The following TANK variants were observed in gnomAD, a reference collection of about 807,000 sequenced individuals.
TANK encodes TRAF family member-associated NF-kappa-B activator.
A neutral mutation model predicts 43.6 loss-of-function variants in TANK; 15 were observed. The observed-to-expected ratio is 0.34, with a 90% CI of 0.23 to 0.53. TANK has a LOEUF of 0.53. TANK is among the 20% of genes least tolerant of loss of function. The pLI is 0.94. For missense variants in TANK, 417 were observed against 498.6 expected, an observed-to-expected ratio of 0.84 and a Z score of 1.56; for synonymous variants, 162 against 178.2, an observed-to-expected ratio of 0.91 and a Z score of 0.73.
chr2:161,153,527 A>G (rs771097698), intron 1 of TANK, among the ~76,000 whole-genome samples: 4 of 151,806 alleles, frequency 2.6e-5, no homozygotes, highest in Non-Finnish European at 5.9e-5. Context: ...GTCTCTACAA[A>G]AAATACAAAA....
chr2:161,143,694 A>G (rs1413800384), intron 1 of TANK, among the ~76,000 whole-genome samples: 3 of 151,410 alleles, frequency 2.0e-5, no homozygotes, highest in Admixed American at 6.6e-5. Context: ...AAGCTTTTTG[A>G]TGTGCTTTTG....
chr2:161,222,746 A>G (rs1311123744), intron 4 of TANK: 4 of 152,126 alleles, frequency 2.6e-5, no homozygotes, highest in Non-Finnish European at 5.9e-5. Flanking sequence ...TCTTTATTTT[A>G]CTTCAGTCTG....
At chr2:161,149,859 A>G (rs1333788426) in intron 1 of TANK, among the ~76,000 whole-genome samples, 1 of 151,910 alleles carries the variant, frequency 6.6e-6, no homozygotes, top group Non-Finnish European at 1.5e-5. Context: ...TGTATAATAC[A>G]CTTAATAGGC....
intron 2 of TANK, among the ~76,000 whole-genome samples, chr2:161,193,111 C>G (rs764373241): frequency 2.0e-5 from 3 of 152,140 alleles, no homozygotes; most frequent in African/African-American, 4.8e-5. Context: ...CCAGGGACAT[C>G]ATATATGCTA....
intron 6 of TANK, 135 bp downstream of exon 6, chr2:161,224,881 A>G (rs1687533296): frequency 1.8e-6 from 1 of 540,634 alleles, no homozygotes; most frequent in East Asian, 3.1e-5. Context: ...GTATGTTTGA[A>G]TGTGTACATG....
chr2:161,214,047 T>C (rs1255263677), intron 4 of TANK, among the ~76,000 whole-genome samples: 1 of 152,186 alleles, frequency 6.6e-6, no homozygotes, highest in African/African-American at 2.4e-5. Context: ...TAAATCACAT[T>C]TAACATCATC....
intron 1 of TANK, among the ~76,000 whole-genome samples, chr2:161,166,111 C>T (rs1248897769): frequency 6.6e-6 from 1 of 152,218 alleles, no homozygotes; most frequent in Non-Finnish European, 1.5e-5. Flanking sequence ...AAATGGAGAA[C>T]ATGTACTGGG....
rs556208875 is a variant in TANK at position 161,206,031 on chromosome 2, G to A, written c.327+1238G>A. 3.3e-5 allele frequency among the ~76,000 whole-genome samples: 5 copies of A among 152,038 alleles called. No homozygotes were observed. In the South Asian group the frequency reaches 1.0e-3, roughly 32 times the overall value. On this transcript the variant is annotated intron_variant, in intron 4 of 7. Coordinates refer to ENST00000392749, the MANE Select transcript of TANK (RefSeq NM_001199135.3). ...AAAGTATAAAAACCTGTACAGGAAG[G>A]GCACACATCTTCTTTAGAAAAACGA...
chr2:161,195,854 G>T (rs565001083), intron 2 of TANK, among the ~76,000 whole-genome samples: 1 of 152,134 alleles, frequency 6.6e-6, no homozygotes, highest in African/African-American at 2.4e-5. Context: ...GGAGGCCCAG[G>T]CAGGCAGATC....
In TANK at chr2:161,228,401, C is replaced by T. The variant is rs144633941; in HGVS notation, c.521-2570C>T. Among the ~76,000 whole-genome samples, 542 of 152,262 alleles carry T rather than the reference C, an allele frequency of 3.6e-3. 2 individuals are homozygous for T. Among genetic ancestry groups the T allele is most frequent in the East Asian group, 0.02 (102 of 5,164 alleles). ...ACAAAATTAGCCGGGCGTGGTGACG[C>T]ATGCCCGTAATCCCAGCTACTCGGG... On this transcript the variant is annotated intron_variant, in intron 6 of 7. Transcript: ENST00000392749.
intron 1 of TANK, chr2:161,161,655 T>A: frequency 1.8e-6 from 1 of 567,148 alleles, no homozygotes; most frequent in South Asian, 2.5e-5. Context: ...TAAATATATA[T>A]ATATGGTGAA....
chr2:161,213,354 A>G (rs1273889899), intron 4 of TANK, among the ~76,000 whole-genome samples: 1 of 152,134 alleles, frequency 6.6e-6, no homozygotes, highest in Non-Finnish European at 1.5e-5. Context: ...TGTAATCTCA[A>G]CATTTTGGGA....
chr2:161,234,527 A>T lies in TANK; in HGVS notation c.1102-815A>T, dbSNP rs182528893. ...CTATTTCTTGTCCTTCTAGAAATTT[A>T]AAAAAAAGAATAAATGCAGTTATGA... is the stretch of plus-strand genomic sequence containing the variant. On this transcript the variant is annotated intron_variant, in intron 7 of 7. Transcript: ENST00000392749. Among the ~76,000 whole-genome samples, 623 of 152,176 alleles carry T rather than the reference A, an allele frequency of 4.1e-3. 4 individuals carry two copies. Among genetic ancestry groups the T allele is most frequent in the Non-Finnish European group, 6.6e-3 (449 of 67,964 alleles).
intron 2 of TANK, 39 bp downstream of exon 2, chr2:161,179,800 G>A (rs1479119118): frequency 1.3e-6 from 2 of 1,576,698 alleles, no homozygotes; most frequent in African/African-American, 1.4e-5. Context: ...CTTTATCTTG[G>A]TACATGGAAT....
At chr2:161,185,243 T>TTCAAGAA (rs1685604107) in intron 2 of TANK, among the ~76,000 whole-genome samples, 1 of 152,178 alleles carries the variant, frequency 6.6e-6, no homozygotes, top group Non-Finnish European at 1.5e-5. Flanking sequence ...AAGGAAGCAC[T>TTCAAGAA]GGTTAGCAGT....
At chr2:161,142,848 T>C (rs1683791536) in intron 1 of TANK, among the ~76,000 whole-genome samples, 1 of 152,070 alleles carries the variant, frequency 6.6e-6, no homozygotes. Context: ...GTTTTTTTTC[T>C]AATTCTGTGA....
intron 2 of TANK, among the ~76,000 whole-genome samples, chr2:161,182,686 G>C (rs1468656929): frequency 6.6e-6 from 1 of 151,984 alleles, no homozygotes; most frequent in Non-Finnish European, 1.5e-5. Flanking sequence ...TGTCCTTTGG[G>C]GCTTCTATGG....
chr2:161,138,624 C>T (rs749218329), intron 1 of TANK, among the ~76,000 whole-genome samples: 30 of 152,128 alleles, frequency 2.0e-4, no homozygotes, highest in Admixed American at 5.2e-4. Flanking sequence ...GCTTCAGAGC[C>T]GGAAGAAGAT....
chr2:161,170,066 CTT>C (rs1002690349), intron 1 of TANK, among the ~76,000 whole-genome samples: 3 of 152,126 alleles, frequency 2.0e-5, no homozygotes, highest in African/African-American at 7.2e-5. Context: ...ATCCATGACT[CTT>C]TGTGCCTCTT....
Sources: gnomAD v4.1 joint callset for allele counts (sites outside exome capture counted in the v4.1 genomes callset) on GRCh38, gnomAD v4.1.1 for gene constraint, MANE v1.5 for transcripts, NCBI Gene and HGNC (gene_info 2026-07-23, HGNC 2026-07-21) for gene names.